Variants in KLF3 observed in about 807,000 individuals in gnomAD.
The protein encoded by KLF3 is KLF transcription factor 3.
KLF3 carries 6 observed loss-of-function variants against 32.7 expected under a neutral mutation model. That is an observed-to-expected ratio of 0.18 (90% CI 0.10 to 0.36). The LOEUF (loss-of-function observed/expected upper bound fraction) is 0.36. Ranked by LOEUF, KLF3 falls within the 10% of genes least tolerant of loss-of-function variation. KLF3 has a pLI of 1.00. For missense variants in KLF3, 338 were observed against 449.7 expected (o/e 0.75, Z 2.25); for synonymous variants, 145 against 172.8 (o/e 0.84, Z 1.26).
Position 38,674,946 on chromosome 4 carries a change from A to G in KLF3, c.-39-5641A>G, listed in dbSNP as rs912160537. On this transcript the variant is annotated intron_variant, in intron 1 of 5. Coordinates refer to ENST00000261438, the MANE Select transcript of KLF3 (RefSeq NM_016531.6). The surrounding 1 kb of genome is among the most constrained non-coding windows in gnomAD (Gnocchi z 4.1). ...TAGTAACCCCCTAACCTCGTCTTCCATGAAGGACTGTGTGTGTGTTTCTAA... is the reference window on the plus strand; with the variant it reads ...TAGTAACCCCCTAACCTCGTCTTCCGTGAAGGACTGTGTGTGTGTTTCTAA... 2.6e-5 allele frequency among the ~76,000 whole-genome samples: 4 copies of G among 151,976 alleles called. No individual in the cohort carries two copies. Among genetic ancestry groups the G allele is most frequent in the East Asian group, 3.8e-4 (2 of 5,202 alleles).
chr4:38,668,330 A>AT (rs113020779), intron 1 of KLF3, among the ~76,000 whole-genome samples: 56 of 145,466 alleles, frequency 3.8e-4, no homozygotes, highest in East Asian at 2.0e-3. Context: ...TTACTTGGGG[A>AT]TTTTTTTTTT....
chr4:38,689,819 C>T lies in KLF3; in HGVS notation c.635C>T (p.Pro212Leu). ...GIEPQRTDYYPEEMSPPLMNS... is the reference protein window; with the variant it reads ...GIEPQRTDYYLEEMSPPLMNS... Reference sequence around the variant, plus strand: ...GAACCACAGAGGACAGATTATTATCCTGAAGAAATGTCACCCCCCTTAATG... The same window carrying T: ...GAACCACAGAGGACAGATTATTATCTTGAAGAAATGTCACCCCCCTTAATG... Residue 212 changes from proline (P) to leucine (L), a missense_variant, in exon 4 of 6, where the codon CCT (proline) becomes CTT (leucine). Pro to Leu is a moderately conservative substitution (Grantham distance 98). Around this residue, in one of 2 missense-constraint regions of KLF3, gnomAD observed 272 missense variants for 313.4 expected, o/e 0.87. Transcript: ENST00000261438. 1.2e-6 allele frequency: 2 copies of T among 1,613,514 alleles called. No homozygotes were observed. The highest frequency in any genetic ancestry group is 1.7e-6 in the Non-Finnish European group (2 of 1,179,670).
At position 38,699,361 on chromosome 4, in the gene KLF3, T is replaced by A. The variant is rs1723139586; in HGVS notation, c.*2098T>A. The A allele has an allele frequency of 6.6e-6, 1 of 152,248 alleles. No individual in the cohort carries two copies. Among genetic ancestry groups the A allele is most frequent in the Non-Finnish European group, 1.5e-5 (1 of 68,044 alleles). The allele number at this position is 152,248 out of a possible 1,614,324, so 9.4% of individuals were successfully genotyped here. On this transcript the variant is annotated 3_prime_UTR_variant, in exon 6 of 6. Coordinates refer to ENST00000261438, the MANE Select transcript of KLF3 (RefSeq NM_016531.6). ...TGAAAAGTAGATATTGTCTGTATTG[T>A]AAATGCTTAGTCATATTCATGGCAA... is the stretch of plus-strand genomic sequence containing the variant.
At position 38,680,569 on chromosome 4, in the gene KLF3, C is replaced by A; in HGVS notation, c.-39-18C>A. On this transcript the variant is annotated intron_variant, in intron 1 of 5. Transcript: ENST00000261438. ...AGTAACCTTGAGACTTAGATGGATACCTTGTTTTGTTTTCTAGGCCAAACA... is the reference window on the plus strand; with the variant it reads ...AGTAACCTTGAGACTTAGATGGATAACTTGTTTTGTTTTCTAGGCCAAACA... 7.9e-7 allele frequency: 1 copy of A among 1,264,018 alleles called. No homozygotes were observed. The highest frequency in any genetic ancestry group is 1.2e-6 in the Non-Finnish European group (1 of 863,946). The allele number at this position is 1,264,018 out of a possible 1,614,324, so 78.3% of individuals were successfully genotyped here. A position where few individuals can be genotyped will look rare whatever the true frequency, so the allele number is the denominator to read the frequency against.
intron 4 of KLF3, among the ~76,000 whole-genome samples, chr4:38,691,594 T>G (rs115987310): frequency 6.6e-6 from 1 of 152,390 alleles, no homozygotes; most frequent in African/African-American, 2.4e-5. Context: ...GGCAATATTC[T>G]GTGCTCTGAA....
At position 38,671,160 on chromosome 4, in the gene KLF3, C is replaced by A. The variant is rs1394035256; in HGVS notation, c.-40+6699C>A. ...AAGTGCCCGGGTCTGCAGGCAGACA[C>A]GCTTCTGTTCCTGGCTGCAGCTCCA... On this transcript the variant is annotated intron_variant, in intron 1 of 5. Transcript: ENST00000261438. This position sits in a 1 kb window ranked among gnomAD's most constrained non-coding sequence, Gnocchi z 4.4. Among the ~76,000 whole-genome samples, 1 of 152,212 alleles carries A rather than the reference C, an allele frequency of 6.6e-6. No individual in the cohort carries two copies. The highest frequency in any genetic ancestry group is 1.5e-5 in the Non-Finnish European group (1 of 68,028).
At chr4:38,675,588 A>G (rs1317131802) in intron 1 of KLF3, among the ~76,000 whole-genome samples, 1 of 152,160 alleles carries the variant, frequency 6.6e-6, no homozygotes, top group Non-Finnish European at 1.5e-5. Context: ...TCTCTGTGAT[A>G]CCCACATAAA....
Position 38,674,305 on chromosome 4 carries a change from A to T in KLF3, c.-39-6282A>T, listed in dbSNP as rs1722278612. On this transcript the variant is annotated intron_variant, in intron 1 of 5. Coordinates refer to ENST00000261438, the MANE Select transcript of KLF3 (RefSeq NM_016531.6). The surrounding 1 kb of genome is among the most constrained non-coding windows in gnomAD (Gnocchi z 4.1). ...TAAATAATACTTGAGCCATTGGGGGATTTTGAAGAATTTGGGTAAAGAAAC... is the reference window on the plus strand; with the variant it reads ...TAAATAATACTTGAGCCATTGGGGGTTTTTGAAGAATTTGGGTAAAGAAAC... Among the ~76,000 whole-genome samples, 1 of 152,012 alleles carries T rather than the reference A, an allele frequency of 6.6e-6. No homozygotes were observed. Among genetic ancestry groups the T allele is most frequent in the African/African-American group, 2.4e-5 (1 of 41,388 alleles).
At chr4:38,696,055 A>G (rs1361980843) in intron 5 of KLF3, among the ~76,000 whole-genome samples, 1 of 152,108 alleles carries the variant, frequency 6.6e-6, no homozygotes, top group Non-Finnish European at 1.5e-5. Context: ...AGCAACGCCC[A>G]AACAGCAGTG....
rs60339860 is a variant in KLF3, at chr4:38,669,893, C to CAAAAAAAAAAAAAA, written c.-40+5449_-40+5462dup. Among the ~76,000 whole-genome samples the CAAAAAAAAAAAAAA allele has an allele frequency of 1.9e-4, 8 of 41,178 alleles. 1 individual carries two copies. The highest frequency in any genetic ancestry group is 2.7e-4 in the African/African-American group (3 of 10,966). 27.0% of individuals were successfully genotyped at this position (41,178 alleles called of 152,430 possible). On this transcript the variant is annotated intron_variant, in intron 1 of 5. Coordinates refer to ENST00000261438, the MANE Select transcript of KLF3 (RefSeq NM_016531.6). ...GGGCAACAAGAGTGAGACTCTGTCT[C>CAAAAAAAAAAAAAA]AAAAAAAAAAAAAAAAAAAAAAAAA...
At chr4:38,687,549 TG>T (rs1237446385) in intron 2 of KLF3, among the ~76,000 whole-genome samples, 1 of 152,160 alleles carries the variant, frequency 6.6e-6, no homozygotes, top group African/African-American at 2.4e-5. Flanking sequence ...GACCAGATCT[TG>T]GGAAGGAAAC....
intron 1 of KLF3, among the ~76,000 whole-genome samples, chr4:38,675,735 A>G (rs1404826486): frequency 6.6e-6 from 1 of 152,198 alleles, no homozygotes; most frequent in Non-Finnish European, 1.5e-5. Flanking sequence ...GTTCTGCTTC[A>G]GATTGCCGTC....
In KLF3 at chr4:38,674,662, G is replaced by A. The variant is rs529147787; in HGVS notation, c.-39-5925G>A. ...AGCCTCGGGGTCAGTCCTGGGTTGG[G>A]GAAGATAATGCAGGCACCCTTTGAG... On this transcript the variant is annotated intron_variant, in intron 1 of 5. Coordinates refer to ENST00000261438, the MANE Select transcript of KLF3 (RefSeq NM_016531.6). The surrounding 1 kb of genome is among the most constrained non-coding windows in gnomAD (Gnocchi z 4.1). 1.4e-4 allele frequency among the ~76,000 whole-genome samples: 22 copies of A among 152,200 alleles called. No homozygotes were observed. The highest frequency in any genetic ancestry group is 5.3e-4 in the African/African-American group (22 of 41,518).
intron 3 of KLF3, 101 bp downstream of exon 3, chr4:38,689,172 T>C: frequency 2.1e-6 from 3 of 1,422,466 alleles, no homozygotes; most frequent in Non-Finnish European, 2.9e-6. Context: ...GCTGTTGAAC[T>C]CTTCAAAGGA....
intron 4 of KLF3, 44 bp downstream of exon 4, chr4:38,689,923 A>G (rs755136110): frequency 5.9e-6 from 9 of 1,529,824 alleles, no homozygotes; most frequent in South Asian, 3.6e-5. Flanking sequence ...AGTAGTGTGC[A>G]TCTTGGAACC....
intron 1 of KLF3, among the ~76,000 whole-genome samples, chr4:38,667,997 A>G (rs1465956886): frequency 6.6e-6 from 1 of 152,236 alleles, no homozygotes; most frequent in East Asian, 1.9e-4. Context: ...TCACTGTGCA[A>G]TATTCTACAC....
intron 2 of KLF3, 23 bp downstream of exon 2, chr4:38,680,705 C>A (rs894168109): frequency 2.5e-6 from 4 of 1,576,556 alleles, no homozygotes; most frequent in Non-Finnish European, 3.5e-6. Flanking sequence ...AGATTGAACA[C>A]CTCGCCTTAT....
intron 1 of KLF3, among the ~76,000 whole-genome samples, chr4:38,666,170 G>A (rs1722032142): frequency 6.6e-6 from 1 of 152,108 alleles, no homozygotes; most frequent in Admixed American, 6.5e-5. Flanking sequence ...ACATTGTAAA[G>A]AACATTTAGC....
intron 1 of KLF3, among the ~76,000 whole-genome samples, chr4:38,670,110 G>T (rs1188814853): frequency 6.6e-6 from 1 of 152,114 alleles, no homozygotes; most frequent in African/African-American, 2.4e-5. Context: ...GTGTCGGCAG[G>T]CTGAATTCAT....
Sources: gnomAD v4.1 joint callset for allele counts (sites outside exome capture counted in the v4.1 genomes callset) on GRCh38, gnomAD v4.1.1 for gene constraint, gnomAD v4.1.1 regional missense constraint, Gnocchi (gnomAD v3.1) non-coding constraint, MANE v1.5 for transcripts, NCBI Gene and HGNC (gene_info 2026-07-23, HGNC 2026-07-21) for gene names.